The following GBF1 variants were observed in gnomAD, a reference collection of about 807,000 sequenced individuals.
The protein encoded by GBF1 is Golgi-specific brefeldin A-resistance guanine nucleotide exchange factor 1.
Under a neutral mutation model 210.5 loss-of-function variants are expected in GBF1, and 114 were observed. The observed-to-expected ratio is 0.54, with a 90% CI of 0.47 to 0.63. The LOEUF is 0.63. Ranked by LOEUF, GBF1 falls within the 30% of genes least tolerant of loss-of-function variation. The probability of loss-of-function intolerance (pLI) is 0.00; values close to 1 mark genes in which losing one functional copy is unlikely to be tolerated. For synonymous variants in GBF1, 850 were observed against 889.2 expected (o/e 0.96, Z 0.78); for missense variants, 1,851 against 2,357.7 (o/e 0.79, Z 4.45).
chr10:102,323,746 C>A (rs1032049619), intron 3 of GBF1, among the ~76,000 whole-genome samples: 1 of 152,072 alleles, frequency 6.6e-6, no homozygotes. Flanking sequence ...TACCAAATAA[C>A]TATATTCATT....
chr10:102,357,663 G>A (rs2059372241), intron 8 of GBF1, among the ~76,000 whole-genome samples: 1 of 152,022 alleles, frequency 6.6e-6, no homozygotes, highest in East Asian at 1.9e-4. Context: ...TGAGTGTCAG[G>A]GCAAAGGAAA....
At chr10:102,242,928 C>CAAAAAAAAAAAAAAAAAAAAAAAAAAA (rs58301527), upstream of GBF1, among the ~76,000 whole-genome samples, 3 of 132,424 alleles carry the variant, frequency 2.3e-5, no homozygotes, top group African/African-American at 8.6e-5. Flanking sequence ...GACTCTGTCT[C>CAAAAAAAAAAAAAAAAAAAAAAAAAAA]AAAAAAAAAA....
chr10:102,300,854 A>G (rs2077277371), intron 3 of GBF1, among the ~76,000 whole-genome samples: 1 of 152,204 alleles, frequency 6.6e-6, no homozygotes, highest in African/African-American at 2.4e-5. Context: ...TGAGGAGACA[A>G]TGCCAAATTG....
chr10:102,346,915 G>A (rs2058615044), intron 4 of GBF1, among the ~76,000 whole-genome samples: 1 of 152,048 alleles, frequency 6.6e-6, no homozygotes, highest in Non-Finnish European at 1.5e-5. Context: ...GGAGTTCTTT[G>A]TATGGTAGGA....
At chr10:102,351,752 G>A (rs2058993304) in intron 5 of GBF1, 91 bp from the exon 6 acceptor site, 1 of 759,052 alleles carries the variant, frequency 1.3e-6, no homozygotes, top group South Asian at 1.4e-5. Flanking sequence ...AAGCTGAGGT[G>A]AGGTCAGCAT....
intron 11 of GBF1, among the ~76,000 whole-genome samples, chr10:102,359,886 C>T (rs2059499742): frequency 1.3e-5 from 2 of 151,710 alleles, no homozygotes; most frequent in Admixed American, 1.3e-4. Flanking sequence ...ACCTCAGCCT[C>T]CCAAGTATTT....
intron 3 of GBF1, among the ~76,000 whole-genome samples, chr10:102,264,586 G>A (rs1300561950): frequency 1.3e-5 from 2 of 152,006 alleles, no homozygotes; most frequent in African/African-American, 4.8e-5. Flanking sequence ...ATCAGGTGTG[G>A]CAGGAATATC....
At chr10:102,232,170 C>G in the GBF1 span, 2 of 802,150 alleles carry the variant, frequency 2.5e-6, no homozygotes, top group Non-Finnish European at 4.2e-6. Flanking sequence ...AGCGTTTCCT[C>G]GTAAATTCCC....
intron 3 of GBF1, among the ~76,000 whole-genome samples, chr10:102,313,451 T>A (rs1358549200): frequency 6.6e-6 from 1 of 152,222 alleles, no homozygotes; most frequent in African/African-American, 2.4e-5. Context: ...GGCCCTCCCT[T>A]GCTGGGGCTC....
In GBF1 at chr10:102,352,182, G is replaced by A. The variant is rs1466937027; in HGVS notation, c.523+231G>A. 2.6e-5 allele frequency among the ~76,000 whole-genome samples: 4 copies of A among 152,168 alleles called. No individual in the cohort carries two copies. In the East Asian group the frequency reaches 7.7e-4, roughly 29 times the overall value. On this transcript the variant is annotated intron_variant, in intron 6 of 39. Transcript: ENST00000369983. ...TTGGGATGGATCCCAGATTGACTTA[G>A]CCCAGGCACCAAATCACCCTCTCTT...
intron 33 of GBF1, among the ~76,000 whole-genome samples, chr10:102,378,145 G>C (rs188594523): frequency 5.8e-4 from 88 of 151,422 alleles, no homozygotes; most frequent in Middle Eastern, 3.4e-3. Flanking sequence ...GTGAACCCGG[G>C]AGGCAGAGCT....
chr10:102,369,646 T>G, intron 24 of GBF1, 65 bp from the exon 25 acceptor site: 1 of 1,454,456 alleles, frequency 6.9e-7, no homozygotes, highest in Non-Finnish European at 9.6e-7. Context: ...AGAACTTTGG[T>G]GGGTGGAGGC....
At chr10:102,327,947 T>C (rs2057029090) in intron 3 of GBF1, among the ~76,000 whole-genome samples, 1 of 152,198 alleles carries the variant, frequency 6.6e-6, no homozygotes, top group South Asian at 2.1e-4. Context: ...TCAGCTGTCT[T>C]AAAGGTTCTG....
chr10:102,351,274 C>T lies in GBF1; in HGVS notation c.314C>T (p.Thr105Ile), dbSNP rs1277879136. 2 of 1,599,656 alleles carry T rather than the reference C, an allele frequency of 1.3e-6. No homozygotes were observed. The highest frequency in any genetic ancestry group is 1.7e-6 in the Non-Finnish European group (2 of 1,166,888). Reference protein sequence around the residue: ...YALIDPTHEGTAEGMENMADA... With the variant: ...YALIDPTHEGIAEGMENMADA... ...GGAGCAGATCCCACCCATGAGGGCA[C>T]AGCAGAGGGCATGGAGAACATGGCA... Residue 105 changes from threonine to isoleucine, a missense_variant, in exon 5 of 40, where the codon ACA (threonine) becomes ATA (isoleucine). This residue lies in a region of GBF1 where 804 missense variants were observed against 958.6 expected (regional missense o/e 0.84). Transcript: ENST00000369983.
chr10:102,285,812 T>C (rs960477617), intron 3 of GBF1, among the ~76,000 whole-genome samples: 1 of 151,664 alleles, frequency 6.6e-6, no homozygotes, highest in Non-Finnish European at 1.5e-5. Context: ...GCTTTCCTTC[T>C]TTTTTTTTCT....
chr10:102,294,134 A>T (rs1055131712), intron 3 of GBF1, among the ~76,000 whole-genome samples: 7 of 152,230 alleles, frequency 4.6e-5, no homozygotes, highest in African/African-American at 1.7e-4. Context: ...GCTTAAAAAA[A>T]TTTAAAAGTT....
intron 3 of GBF1, among the ~76,000 whole-genome samples, chr10:102,270,606 T>C (rs2074314611): frequency 6.6e-6 from 1 of 152,208 alleles, no homozygotes; most frequent in African/African-American, 2.4e-5. Flanking sequence ...TCATGATCCA[T>C]TTGAAAATAA....
Position 102,382,060 on chromosome 10 carries a change from T to C in GBF1, c.5307T>C (p.Phe1769=). ...ACCACCTTGCTTTCCCTACAGACTT[T>C]GAGAAGCCCGAGAGCCCCCGAGCCG... ...EIPSELGACD[F]EKPESPRAAS... is the part of the protein sequence containing the mutation. Residue 1769 remains phenylalanine (F), a synonymous_variant, in exon 40 of 40, where the codon TTT becomes TTC. Transcript: ENST00000369983. 7 of 1,537,858 alleles carry C rather than the reference T, an allele frequency of 4.6e-6. No homozygotes were observed. Among genetic ancestry groups the C allele is most frequent in the Non-Finnish European group, 6.1e-6 (7 of 1,144,270 alleles).
chr10:102,231,469 A>AGGGTCCG, the GBF1 span: 4 of 650,690 alleles, frequency 6.1e-6, no homozygotes, highest in Admixed American at 2.9e-5. Flanking sequence ...GCCGGGAGCC[A>AGGGTCCG]GGGTCCGGGG....
Sources: allele counts gnomAD v4.1 joint callset (sites outside exome capture counted in the v4.1 genomes callset), GRCh38; gene constraint gnomAD v4.1.1; regional missense constraint gnomAD v4.1.1; transcripts MANE v1.5; gene names NCBI Gene and HGNC (gene_info 2026-07-23, HGNC 2026-07-21).